FSIP2: variants seen among roughly 807,000 people sequenced by gnomAD.
FSIP2 encodes fibrous sheath interacting protein 2, also known as fibrous sheath-interacting protein 2.
Under a neutral mutation model 510.5 loss-of-function variants are expected in FSIP2, and 367 were observed. The observed-to-expected ratio is 0.72, with a 90% confidence interval of 0.66 to 0.78. The LOEUF is 0.78. Ranked by LOEUF, FSIP2 falls within the 30% of genes least tolerant of loss-of-function variation. FSIP2 has a pLI of 0.00. For missense variants in FSIP2, 7,594 were observed against 7,901.7 expected (o/e 0.96, Z 1.48); for synonymous variants, 2,601 against 2,732.2 (o/e 0.95, Z 1.50).
At chr2:185,763,564 T>A (rs770989293) in intron 12 of FSIP2, among the ~76,000 whole-genome samples, 7 of 151,582 alleles carry the variant, frequency 4.6e-5, no homozygotes, top group Non-Finnish European at 1.0e-4. Flanking sequence ...ATTTAGTACT[T>A]TTTGACCAGT....
intron 13 of FSIP2, among the ~76,000 whole-genome samples, chr2:185,770,683 C>T (rs1161144622): frequency 6.6e-6 from 1 of 152,148 alleles, no homozygotes; most frequent in Non-Finnish European, 1.5e-5. Context: ...TATCATTCTG[C>T]CACTGGCCAC....
At chr2:185,751,461 C>CTGTGTG (rs56395901) in intron 7 of FSIP2, among the ~76,000 whole-genome samples, 14,021 of 135,704 alleles carry the variant, frequency 0.1, 821 homozygotes, top group African/African-American at 0.13. Flanking sequence ...CTTTATTTTT[C>CTGTGTG]TGTGTGTGTG....
In FSIP2 at chr2:185,800,004, A is replaced by G; in HGVS notation, c.10698A>G (p.Lys3566=). 6.6e-7 allele frequency: 1 copy of G among 1,517,600 alleles called. No individual in the cohort carries two copies. The highest frequency in any genetic ancestry group is 1.2e-5 in the South Asian group (1 of 81,578). 94.0% of individuals were successfully genotyped at this position (1,517,600 alleles called of 1,614,324 possible). Residue 3566 remains lysine, a synonymous_variant, in exon 17 of 23, where the codon AAA becomes AAG. Coordinates refer to ENST00000424728, the MANE Select transcript of FSIP2 (RefSeq NM_173651.4). ...TATGTATTTCTGAAATCATTATTAA[A>G]ATTCTTTTTAATAATAAAATTATAC... is the stretch of plus-strand genomic sequence containing the variant. The part of the protein sequence containing the change: ...LALCISEIII[K]ILFNNKIIQA...
chr2:185,792,951 C>G lies in FSIP2; in HGVS notation c.5815C>G (p.Leu1939Val). The G allele has an allele frequency of 6.5e-7, 1 of 1,534,262 alleles. No individual in the cohort carries two copies. Among genetic ancestry groups the G allele is most frequent in the South Asian group, 1.2e-5 (1 of 84,042 alleles). The change falls in exon 16 of 23, where the codon CTC (leucine) becomes GTC (valine). Residue 1939 changes from leucine to valine, a missense_variant. Coordinates refer to ENST00000424728, the MANE Select transcript of FSIP2 (RefSeq NM_173651.4). Reference protein sequence around the residue: ...ETFATSKVKSLFYSQVNFTVP... With the variant: ...ETFATSKVKSVFYSQVNFTVP... ...TTTTGCTACTTCCAAAGTAAAATCTCTCTTTTATTCTCAAGTCAACTTTAC... is the reference window on the plus strand; with the variant it reads ...TTTTGCTACTTCCAAAGTAAAATCTGTCTTTTATTCTCAAGTCAACTTTAC...
At chr2:185,811,785 T>G (rs1693736272) in intron 17 of FSIP2, among the ~76,000 whole-genome samples, 1 of 152,100 alleles carries the variant, frequency 6.6e-6, no homozygotes, top group East Asian at 1.9e-4. Context: ...TTTCTAGCTG[T>G]GGCTCAAAGG....
chr2:185,807,663 C>T lies in FSIP2; in HGVS notation c.18357C>T (p.Asp6119=), dbSNP rs1054621071. 1.9e-6 allele frequency: 3 copies of T among 1,612,724 alleles called. No individual in the cohort carries two copies. The highest frequency in any genetic ancestry group is 2.7e-5 in the African/African-American group (2 of 74,792). The change falls in exon 17 of 23, where the codon GAC becomes GAT. Residue 6119 remains aspartate (D), a synonymous_variant. Transcript: ENST00000424728. Reference sequence around the variant, plus strand: ...AAATCCTTTCAGAAAACATAGTTGACTTGGTTCTACGAGAAGTGGCTAGCA... The same window carrying T: ...AAATCCTTTCAGAAAACATAGTTGATTTGGTTCTACGAGAAGTGGCTAGCA... ...GCKILSENIV[D]LVLREVASNQ... is the part of the protein sequence containing the mutation.
intron 21 of FSIP2, among the ~76,000 whole-genome samples, chr2:185,829,504 TCC>T (rs1337972014): frequency 1.3e-5 from 2 of 151,970 alleles, no homozygotes; most frequent in Non-Finnish European, 2.9e-5. Flanking sequence ...AGAACATAGC[TCC>T]TAGAGAAACC....
chr2:185,773,459 C>T (rs574727296), intron 13 of FSIP2, among the ~76,000 whole-genome samples: 14 of 152,240 alleles, frequency 9.2e-5, no homozygotes, highest in Non-Finnish European at 1.6e-4. Flanking sequence ...GTCTGGGACC[C>T]CAATTCAAAC....
chr2:185,755,039 C>T (rs900145990), intron 8 of FSIP2, among the ~76,000 whole-genome samples: 1 of 151,484 alleles, frequency 6.6e-6, no homozygotes, highest in African/African-American at 2.4e-5. Flanking sequence ...CAATTTTTCT[C>T]AATTTAGAAT....
Position 185,763,264 on chromosome 2 carries a change from C to A in FSIP2, c.1322C>A (p.Ala441Glu). ...PTRNFSRVSQ[A>E]FLDPSKEEKE... Reference sequence around the variant, plus strand: ...AGAAATTTTTCCAGAGTTTCACAGGCATTTTTGGATCCTTCAAAAGAAGAG... The same window carrying A: ...AGAAATTTTTCCAGAGTTTCACAGGAATTTTTGGATCCTTCAAAAGAAGAG... Residue 441 changes from alanine (A) to glutamate (E), a missense_variant, in exon 12 of 23, where the codon GCA becomes GAA. Physicochemically the swap from Ala to Glu is moderately radical, Grantham distance 107. Transcript: ENST00000424728. 6.7e-7 allele frequency: 1 copy of A among 1,495,688 alleles called. No individual in the cohort carries two copies. The highest frequency in any genetic ancestry group is 9.0e-7 in the Non-Finnish European group (1 of 1,110,664). The allele number at this position is 1,495,688 out of a possible 1,614,324, so 92.7% of individuals were successfully genotyped here.
intron 17 of FSIP2, among the ~76,000 whole-genome samples, chr2:185,809,334 T>G (rs1387394891): frequency 6.6e-6 from 1 of 152,134 alleles, no homozygotes; most frequent in African/African-American, 2.4e-5. Context: ...TGGCTCACTC[T>G]AAAAGTCTCA....
chr2:185,810,866 G>C (rs1693713833), intron 17 of FSIP2, among the ~76,000 whole-genome samples: 1 of 152,006 alleles, frequency 6.6e-6, no homozygotes, highest in South Asian at 2.1e-4. Context: ...GGACTATGAA[G>C]GCCAGGCTGA....
At chr2:185,738,777 C>A, upstream of FSIP2, 9 of 1,535,898 alleles carry the variant, frequency 5.9e-6, no homozygotes, top group South Asian at 3.6e-5. Flanking sequence ...ACGCGGGGGG[C>A]GGGGCTGAGG....
intron 19 of FSIP2, among the ~76,000 whole-genome samples, chr2:185,816,928 T>A (rs1389418164): frequency 6.2e-3 from 554 of 88,828 alleles, no homozygotes; most frequent in Admixed American, 8.6e-3. Flanking sequence ...AAAGAGTAAA[T>A]GAGAAAGAGA....
At position 185,746,695 on chromosome 2, in the gene FSIP2, T is replaced by C. The variant is rs1323207969; in HGVS notation, c.644T>C (p.Leu215Pro). Residue 215 changes from leucine (L) to proline (P), a missense_variant, in exon 6 of 23, where the codon CTA becomes CCA. By Grantham distance (98) the Leu-to-Pro change is moderately conservative (BLOSUM62 -3). Transcript: ENST00000424728. ...TATTTGGATATGATAAGTAGAAAACTAGAACAACTTGAACGCACAGCAGAA... is the reference window on the plus strand; with the variant it reads ...TATTTGGATATGATAAGTAGAAAACCAGAACAACTTGAACGCACAGCAGAA... ...HRYLDMISRKLEQLERTAEEQ... is the reference protein window; with the variant it reads ...HRYLDMISRKPEQLERTAEEQ... 3 of 1,523,594 alleles carry C rather than the reference T, an allele frequency of 2.0e-6. No individual in the cohort carries two copies. The highest frequency in any genetic ancestry group is 2.4e-5 in the South Asian group (2 of 81,958). 94.4% of individuals were successfully genotyped at this position (1,523,594 alleles called of 1,614,324 possible). A position where few individuals can be genotyped will look rare whatever the true frequency, so the allele number is the denominator to read the frequency against.
In FSIP2 at chr2:185,794,937, A is replaced by T. The variant is rs757256421; in HGVS notation, c.7801A>T (p.Ile2601Leu). The T allele has an allele frequency of 1.3e-6, 2 of 1,534,010 alleles. No homozygotes were observed. Among genetic ancestry groups the T allele is most frequent in the East Asian group, 4.9e-5 (2 of 40,844 alleles). ...GKISNSPRYA[I>L]SQAYSYVDSQ... ...AATAAGTAATTCCCCTAGATATGCG[A>T]TATCACAGGCTTATTCTTATGTCGA... is the stretch of plus-strand genomic sequence containing the variant. The change falls in exon 16 of 23, where the codon ATA becomes TTA. Residue 2601 changes from isoleucine (I) to leucine (L), a missense_variant. By Grantham distance (5) the Ile-to-Leu change is conservative (BLOSUM62 2). Coordinates refer to ENST00000424728, the MANE Select transcript of FSIP2 (RefSeq NM_173651.4).
chr2:185,819,174 C>T (rs1041064069), intron 19 of FSIP2, among the ~76,000 whole-genome samples: 5 of 151,590 alleles, frequency 3.3e-5, no homozygotes, highest in East Asian at 1.9e-4. Flanking sequence ...TTGTAGTAAG[C>T]ACAAAGAAAA....
In FSIP2 at chr2:185,800,060, T is replaced by A; in HGVS notation, c.10754T>A (p.Ile3585Lys). ...GACATTGCACAGAAAATGGTTGCCA[T>A]ACCTACAAAATACACTTACTGTCCA... ...QADIAQKMVA[I>K]PTKYTYCPGI... Residue 3585 changes from isoleucine (I) to lysine (K), a missense_variant, in exon 17 of 23, where the codon ATA becomes AAA. Physicochemically the swap from Ile to Lys is moderately radical, Grantham distance 102 (BLOSUM62 -3). Transcript: ENST00000424728. 2 of 1,531,590 alleles carry A rather than the reference T, an allele frequency of 1.3e-6. No homozygotes were observed. The highest frequency in any genetic ancestry group is 2.0e-5 in the Admixed American group (1 of 50,778). The allele number at this position is 1,531,590 out of a possible 1,614,324, so 94.9% of individuals were successfully genotyped here.
chr2:185,792,269 G>T lies in FSIP2; in HGVS notation c.5133G>T (p.Arg1711Ser). The T allele has an allele frequency of 6.5e-7, 1 of 1,533,312 alleles. No individual in the cohort carries two copies. Among genetic ancestry groups the T allele is most frequent in the East Asian group, 2.4e-5 (1 of 40,832 alleles). The allele number at this position is 1,533,312 out of a possible 1,614,324, so 95.0% of individuals were successfully genotyped here. ...EGGGIETYRY[R>S]PTYGSLPGGA... ...GAGGCATTGAAACTTATCGATACAG[G>T]CCAACATATGGAAGTCTTCCTGGAG... is the stretch of plus-strand genomic sequence containing the variant. The change falls in exon 16 of 23, where the codon AGG (arginine) becomes AGT (serine). Residue 1711 changes from arginine to serine, a missense_variant. Transcript: ENST00000424728.
Sources: allele counts gnomAD v4.1 joint callset (sites outside exome capture counted in the v4.1 genomes callset), GRCh38; gene constraint gnomAD v4.1.1; transcripts MANE v1.5; gene names NCBI Gene and HGNC (gene_info 2026-07-23, HGNC 2026-07-21).